Variants in CDH23 observed in about 807,000 individuals in gnomAD.
CDH23 encodes the protein cadherin-23.
CDH23 carries 189 observed loss-of-function variants against 317.1 expected under a neutral mutation model. The observed-to-expected ratio is 0.60, with a 90% CI of 0.53 to 0.67. CDH23 has a LOEUF of 0.67. Ranked by LOEUF, CDH23 falls within the 30% of genes least tolerant of loss-of-function variation. The pLI is 0.00. For synonymous variants in CDH23, 1,839 were observed against 1,876.8 expected, an observed-to-expected ratio of 0.98 and a Z score of 0.52; for missense variants, 4,401 against 4,592.4, an observed-to-expected ratio of 0.96 and a Z score of 1.20.
Position 71,738,662 on chromosome 10 carries a change from G to A in CDH23, c.4359+15G>A, listed in dbSNP as rs748851595. ...GCAATGGGCAGGTGGGCCACCGAGT[G>A]AAACAGCCAGGATCCACCATGTCAG... On this transcript the variant is annotated intron_variant, in intron 35 of 69. Coordinates refer to ENST00000224721, the MANE Select transcript of CDH23 (RefSeq NM_022124.6). 1 of 1,611,070 alleles carries A rather than the reference G, an allele frequency of 6.2e-7. No individual in the cohort carries two copies. Among genetic ancestry groups the A allele is most frequent in the Admixed American group, 1.7e-5 (1 of 59,952 alleles).
chr10:71,485,941 T>G (rs1280014047), intron 3 of CDH23, among the ~76,000 whole-genome samples: 3 of 152,150 alleles, frequency 2.0e-5, no homozygotes, highest in Non-Finnish European at 4.4e-5. Flanking sequence ...GGGGGACTAA[T>G]TTTATTTGCA....
At chr10:71,666,712 A>G (rs1313798587) in intron 14 of CDH23, among the ~76,000 whole-genome samples, 1 of 152,150 alleles carries the variant, frequency 6.6e-6, no homozygotes. Context: ...GGAGGGAAGG[A>G]AAAAGGGCCT....
At chr10:71,462,745 G>A (rs1851063921) in intron 3 of CDH23, among the ~76,000 whole-genome samples, 1 of 152,258 alleles carries the variant, frequency 6.6e-6, no homozygotes, top group Non-Finnish European at 1.5e-5. Context: ...CAGTGATCAG[G>A]ATGGCAACTC....
At position 71,673,899 on chromosome 10, in the gene CDH23, G is replaced by T. The variant is rs542609465; in HGVS notation, c.1450-1213G>T. 9.8e-5 allele frequency among the ~76,000 whole-genome samples: 15 copies of T among 152,358 alleles called. No individual in the cohort carries two copies. The East Asian group carries it at 2.3e-3, about 23-fold the overall frequency. The stretch of plus-strand genomic sequence containing the variant: ...GGAGCCAGTCCTGGGTTGGAGGGTG[G>T]TGACATGGCTCAGTGCCTTCCTTTC... On this transcript the variant is annotated intron_variant, in intron 14 of 69. Transcript: ENST00000224721.
chr10:71,472,275 G>A (rs1014589031), intron 3 of CDH23, among the ~76,000 whole-genome samples: 1 of 152,150 alleles, frequency 6.6e-6, no homozygotes, highest in African/African-American at 2.4e-5. Context: ...TCCTCGGGTG[G>A]TAGCTCCAAA....
chr10:71,538,272 A>G (rs1432746157), intron 6 of CDH23, among the ~76,000 whole-genome samples: 1 of 152,188 alleles, frequency 6.6e-6, no homozygotes. Context: ...ATGTGTTAAT[A>G]ACTCGCCACC....
At chr10:71,769,986 C>T (rs1194750098) in intron 38 of CDH23, among the ~76,000 whole-genome samples, 1 of 152,192 alleles carries the variant, frequency 6.6e-6, no homozygotes, top group Admixed American at 6.5e-5. Context: ...AACCTGTAGG[C>T]ACCTCCATGG....
At chr10:71,742,673 C>A (rs930321141) in intron 38 of CDH23, among the ~76,000 whole-genome samples, 1 of 152,198 alleles carries the variant, frequency 6.6e-6, no homozygotes, top group African/African-American at 2.4e-5. Context: ...TAATATCTAC[C>A]TCATAGGTGT....
At chr10:71,525,383 C>A (rs948540531) in intron 6 of CDH23, among the ~76,000 whole-genome samples, 10 of 152,192 alleles carry the variant, frequency 6.6e-5, no homozygotes, top group Admixed American at 3.9e-4. Context: ...TTCTAAAGTG[C>A]ACCCCTGAAG....
chr10:71,691,190 A>G (rs1166653598), intron 20 of CDH23, among the ~76,000 whole-genome samples: 1 of 152,228 alleles, frequency 6.6e-6, no homozygotes, highest in African/African-American at 2.4e-5. Context: ...CTCTCCATGT[A>G]CATTCCTCAG....
intron 3 of CDH23, among the ~76,000 whole-genome samples, chr10:71,456,059 G>A (rs1466094679): frequency 1.3e-5 from 2 of 151,942 alleles, no homozygotes; most frequent in Non-Finnish European, 2.9e-5. Context: ...CTGTGAGCTC[G>A]GGAATTGAAG....
chr10:71,486,758 G>A (rs1293246971), intron 3 of CDH23, among the ~76,000 whole-genome samples: 1 of 152,174 alleles, frequency 6.6e-6, no homozygotes, highest in African/African-American at 2.4e-5. Context: ...CTAGGCCAGG[G>A]TCTCTAGAGA....
chr10:71,643,530 G>A (rs972224006), intron 11 of CDH23, among the ~76,000 whole-genome samples: 2 of 151,408 alleles, frequency 1.3e-5, no homozygotes, highest in African/African-American at 2.4e-5. Flanking sequence ...GGGTGAGAGT[G>A]GACAGAGATC....
intron 41 of CDH23, among the ~76,000 whole-genome samples, chr10:71,782,517 T>C (rs368542440): frequency 6.6e-6 from 1 of 152,248 alleles, no homozygotes; most frequent in East Asian, 1.9e-4. Flanking sequence ...GCCTAGGCTT[T>C]TAACCTCCTG....
intron 41 of CDH23, 119 bp downstream of exon 41, chr10:71,779,566 G>A (rs1309609981): frequency 6.8e-6 from 5 of 739,094 alleles, no homozygotes. Context: ...TGTCCTCTCT[G>A]GGCCTCAGTT....
intron 8 of CDH23, among the ~76,000 whole-genome samples, chr10:71,575,283 A>G (rs1300219441): frequency 6.6e-6 from 1 of 152,176 alleles, no homozygotes; most frequent in Non-Finnish European, 1.5e-5. Context: ...AGATGCACAC[A>G]GTGATTCCAG....
intron 48 of CDH23, chr10:71,795,693 T>G (rs1319467472): frequency 1.0e-5 from 3 of 298,990 alleles, no homozygotes; most frequent in Admixed American, 7.9e-5. Context: ...CCCCACTCCC[T>G]GTTTCCACCC....
At chr10:71,782,194 T>A (rs1021321980) in intron 41 of CDH23, among the ~76,000 whole-genome samples, 6 of 152,182 alleles carry the variant, frequency 3.9e-5, no homozygotes, top group African/African-American at 1.4e-4. Context: ...ACAGGCCACA[T>A]GCACTTGAGC....
At chr10:71,423,808 A>G (rs1294965485) in intron 1 of CDH23, among the ~76,000 whole-genome samples, 1 of 152,158 alleles carries the variant, frequency 6.6e-6, no homozygotes, top group Non-Finnish European at 1.5e-5. Context: ...GTGACCTGAG[A>G]GGCTGGTGGT....
Sources: gnomAD v4.1 joint callset for allele counts (sites outside exome capture counted in the v4.1 genomes callset) on GRCh38, gnomAD v4.1.1 for gene constraint, MANE v1.5 for transcripts, NCBI Gene and HGNC (gene_info 2026-07-23, HGNC 2026-07-21) for gene names.